Variants in ADCY2 observed in about 807,000 individuals in gnomAD.
The protein encoded by ADCY2 is adenylate cyclase 2.
In ADCY2, 31 loss-of-function variants were observed where a neutral mutation model predicts 125.2. The ratio of observed to expected loss-of-function variants is 0.25; its 90% CI spans 0.19 to 0.33. The LOEUF (loss-of-function observed/expected upper bound fraction) is 0.33. ADCY2 is among the 10% of genes least tolerant of loss of function. ADCY2 has a pLI of 1.00. For missense variants in ADCY2, 904 were observed against 1,418.2 expected (o/e 0.64, Z 5.82); for synonymous variants, 512 against 548.4 (o/e 0.93, Z 0.93).
At chr5:7,617,743 A>G (rs958078937) in intron 3 of ADCY2, among the ~76,000 whole-genome samples, 3 of 152,232 alleles carry the variant, frequency 2.0e-5, no homozygotes, top group African/African-American at 4.8e-5. Context: ...TGAGGAAAAC[A>G]TACACCAGGA....
chr5:7,450,712 G>T (rs77783690), intron 2 of ADCY2, among the ~76,000 whole-genome samples: 8,228 of 152,206 alleles, frequency 0.054, 740 homozygotes, highest in African/African-American at 0.19. Flanking sequence ...GGCTTCAAAG[G>T]TTCAAAGGCT....
At chr5:7,661,016 C>G (rs2126693102) in intron 4 of ADCY2, among the ~76,000 whole-genome samples, 3 of 152,226 alleles carry the variant, frequency 2.0e-5, no homozygotes, top group Admixed American at 2.0e-4. Flanking sequence ...GACTGGCTTC[C>G]CTAAGTCCCA....
intron 4 of ADCY2, among the ~76,000 whole-genome samples, chr5:7,679,022 T>A (rs1740227303): frequency 6.6e-6 from 1 of 152,218 alleles, no homozygotes; most frequent in Non-Finnish European, 1.5e-5. Flanking sequence ...AACAAAATAT[T>A]GAAGAAGGCA....
At chr5:7,622,073 A>G (rs1160226263) in intron 3 of ADCY2, among the ~76,000 whole-genome samples, 1 of 152,204 alleles carries the variant, frequency 6.6e-6, no homozygotes. Context: ...AAGAAGATAA[A>G]AGGAGACATC....
At chr5:7,437,693 T>C (rs1740858343) in intron 2 of ADCY2, among the ~76,000 whole-genome samples, 1 of 152,254 alleles carries the variant, frequency 6.6e-6, no homozygotes, top group South Asian at 2.1e-4. Context: ...ACTCTGAATG[T>C]GGTGCAGCTC....
intron 3 of ADCY2, among the ~76,000 whole-genome samples, chr5:7,554,875 C>G (rs966847361): frequency 1.3e-5 from 2 of 152,094 alleles, no homozygotes; most frequent in African/African-American, 4.8e-5. Context: ...AAGTGACTAT[C>G]CCCAGAATGT....
At chr5:7,583,700 A>G (rs1736509279) in intron 3 of ADCY2, among the ~76,000 whole-genome samples, 1 of 152,110 alleles carries the variant, frequency 6.6e-6, no homozygotes, top group Non-Finnish European at 1.5e-5. Context: ...AGATCTGGCA[A>G]TTTCTTTCAA....
At chr5:7,524,187 A>G (rs1023451193) in intron 3 of ADCY2, among the ~76,000 whole-genome samples, 2 of 152,174 alleles carry the variant, frequency 1.3e-5, no homozygotes, top group African/African-American at 2.4e-5. Flanking sequence ...TCCTTAACAC[A>G]TTTTCAACCT....
At chr5:7,551,030 C>T (rs541724864) in intron 3 of ADCY2, among the ~76,000 whole-genome samples, 1 of 149,272 alleles carries the variant, frequency 6.7e-6, no homozygotes, top group East Asian at 2.0e-4. Context: ...CCCTCCCTCC[C>T]TCCCTTCCTC....
At chr5:7,623,261 C>G (rs1016172424) in intron 3 of ADCY2, among the ~76,000 whole-genome samples, 8 of 152,160 alleles carry the variant, frequency 5.3e-5, no homozygotes, top group African/African-American at 1.9e-4. Context: ...AGAAAAAGCT[C>G]TCATGAATAA....
chr5:7,752,113 T>C (rs1742845974), intron 15 of ADCY2, among the ~76,000 whole-genome samples: 1 of 152,178 alleles, frequency 6.6e-6, no homozygotes, highest in African/African-American at 2.4e-5. Flanking sequence ...TGCAGGGATG[T>C]GGCTCACCCA....
At chr5:7,643,187 GT>G (rs1411747975) in intron 4 of ADCY2, among the ~76,000 whole-genome samples, 1 of 151,612 alleles carries the variant, frequency 6.6e-6, no homozygotes, top group African/African-American at 2.4e-5. Flanking sequence ...TGCTTTTAGT[GT>G]TTTCTCTGCA....
At chr5:7,431,319 G>A (rs143999175) in intron 2 of ADCY2, among the ~76,000 whole-genome samples, 2 of 152,240 alleles carry the variant, frequency 1.3e-5, no homozygotes, top group Admixed American at 1.3e-4. Flanking sequence ...AGTAATAGTT[G>A]CTGAAAGAAA....
At chr5:7,744,996 A>C (rs1385475982) in intron 15 of ADCY2, among the ~76,000 whole-genome samples, 1 of 152,214 alleles carries the variant, frequency 6.6e-6, no homozygotes, top group African/African-American at 2.4e-5. Context: ...GTTACCTCTC[A>C]GGAGTATTGT....
chr5:7,792,010 C>T (rs957193415), intron 20 of ADCY2, among the ~76,000 whole-genome samples: 27 of 152,016 alleles, frequency 1.8e-4, no homozygotes, highest in African/African-American at 5.5e-4. Flanking sequence ...TCCACAGGCA[C>T]CAGGAAAGTG....
intron 21 of ADCY2, among the ~76,000 whole-genome samples, chr5:7,804,375 A>T (rs1233425071): frequency 6.6e-6 from 1 of 152,234 alleles, no homozygotes; most frequent in African/African-American, 2.4e-5. Context: ...GAAGTAAATC[A>T]TTATGCTGTA....
chr5:7,737,929 A>G (rs946221917), intron 14 of ADCY2, among the ~76,000 whole-genome samples: 9 of 152,212 alleles, frequency 5.9e-5, no homozygotes, highest in African/African-American at 2.2e-4. Context: ...CCCTGAATTA[A>G]ACATTCAACT....
intron 15 of ADCY2, among the ~76,000 whole-genome samples, chr5:7,756,380 CAA>C (rs1742991213): frequency 6.6e-6 from 1 of 152,168 alleles, no homozygotes; most frequent in Non-Finnish European, 1.5e-5. Context: ...AAAGTTTCCC[CAA>C]CCCCGATATG....
chr5:7,682,872 G>A (rs1740387689), intron 4 of ADCY2, among the ~76,000 whole-genome samples: 1 of 152,198 alleles, frequency 6.6e-6, no homozygotes. Context: ...GATAACATCT[G>A]CCACGAAGTA....
Sources: gnomAD v4.1 joint callset for allele counts (sites outside exome capture counted in the v4.1 genomes callset) on GRCh38, gnomAD v4.1.1 for gene constraint, MANE v1.5 for transcripts, NCBI Gene and HGNC (gene_info 2026-07-23, HGNC 2026-07-21) for gene names.